Variants in SGMS2 observed in about 807,000 individuals in gnomAD.
The protein encoded by SGMS2 is sphingomyelin synthase 2.
In SGMS2, 21 loss-of-function variants were observed where a neutral mutation model predicts 43.8. The observed-to-expected ratio is 0.48, with a 90% CI of 0.34 to 0.69. SGMS2 has a LOEUF of 0.69. Ranked by LOEUF, SGMS2 falls within the 30% of genes least tolerant of loss-of-function variation. The probability of loss-of-function intolerance (pLI) is 0.01; values close to 1 mark genes in which losing one functional copy is unlikely to be tolerated. For synonymous variants in SGMS2, 167 were observed against 160.6 expected, an observed-to-expected ratio of 1.04 and a Z score of -0.30; for missense variants, 384 against 443.2, an observed-to-expected ratio of 0.87 and a Z score of 1.20.
chr4:107,852,249 T>G (rs1474711534), intron 1 of SGMS2, among the ~76,000 whole-genome samples: 1 of 151,894 alleles, frequency 6.6e-6, no homozygotes, highest in African/African-American at 2.4e-5. Flanking sequence ...ATTTTTTTTT[T>G]TGTACTTTTA....
At chr4:107,870,625 C>A (rs1425817782) in intron 2 of SGMS2, among the ~76,000 whole-genome samples, 1 of 152,228 alleles carries the variant, frequency 6.6e-6, no homozygotes, top group East Asian at 1.9e-4. Context: ...TGCACGTTAA[C>A]CAGAATGTCA....
At chr4:107,885,821 A>G (rs768482212) in intron 2 of SGMS2, among the ~76,000 whole-genome samples, 8 of 152,232 alleles carry the variant, frequency 5.3e-5, no homozygotes, top group Non-Finnish European at 1.2e-4. Context: ...TAGAAAACCT[A>G]ATAAAAATAT....
At chr4:107,869,642 G>A (rs559725073) in intron 2 of SGMS2, among the ~76,000 whole-genome samples, 1 of 152,036 alleles carries the variant, frequency 6.6e-6, no homozygotes, top group African/African-American at 2.4e-5. Flanking sequence ...TGTTAATTTT[G>A]TTAGGTGTAA....
chr4:107,891,786 G>A (rs1275939061), intron 2 of SGMS2, among the ~76,000 whole-genome samples: 1 of 152,016 alleles, frequency 6.6e-6, no homozygotes, highest in Non-Finnish European at 1.5e-5. Context: ...CCACCCTAAT[G>A]TTTTATTATG....
In SGMS2 at chr4:107,903,401, A is replaced by G. The variant is rs2126143247; in HGVS notation, c.727+15A>G. On this transcript the variant is annotated intron_variant, in intron 5 of 6. Transcript: ENST00000690982. ...CATCAAAGAATGTAAGTAATAGCCCATTCCCACTGAACTGATAGCTGTAGT... is the reference window on the plus strand; with the variant it reads ...CATCAAAGAATGTAAGTAATAGCCCGTTCCCACTGAACTGATAGCTGTAGT... The G allele has an allele frequency of 6.2e-7, 1 of 1,613,236 alleles. No homozygotes were observed. Among genetic ancestry groups the G allele is most frequent in the Non-Finnish European group, 8.5e-7 (1 of 1,179,532 alleles).
intron 1 of SGMS2, among the ~76,000 whole-genome samples, chr4:107,839,386 T>A (rs140296040): frequency 2.0e-5 from 3 of 152,262 alleles, no homozygotes; most frequent in African/African-American, 7.2e-5. Flanking sequence ...TGGTTTTTTT[T>A]TTCCCTTCTC....
chr4:107,856,736 G>A (rs1727453597), intron 1 of SGMS2, among the ~76,000 whole-genome samples: 1 of 152,176 alleles, frequency 6.6e-6, no homozygotes, highest in Non-Finnish European at 1.5e-5. Context: ...AAACTAAACT[G>A]CTTGTCCCTT....
At chr4:107,855,305 C>G (rs1293888845) in intron 1 of SGMS2, among the ~76,000 whole-genome samples, 4 of 151,970 alleles carry the variant, frequency 2.6e-5, no homozygotes, top group Non-Finnish European at 2.9e-5. Flanking sequence ...TGGAGTCTTT[C>G]TATGTTTTCG....
At chr4:107,854,878 G>A (rs1321560210) in intron 1 of SGMS2, among the ~76,000 whole-genome samples, 1 of 152,128 alleles carries the variant, frequency 6.6e-6, no homozygotes, top group African/African-American at 2.4e-5. Context: ...ATTGCCTCTT[G>A]TGTACAGACC....
At position 107,878,405 on chromosome 4, in the gene SGMS2, C is replaced by T. The variant is rs528831545; in HGVS notation, c.-244-16905C>T. On this transcript the variant is annotated intron_variant, in intron 2 of 6. Transcript: ENST00000690982. ...AAATGCATGATATGCTCCCCACTCTCACACCTTAACTTTGAGAACCTCTCA... is the reference window on the plus strand; with the variant it reads ...AAATGCATGATATGCTCCCCACTCTTACACCTTAACTTTGAGAACCTCTCA... Among the ~76,000 whole-genome samples the T allele has an allele frequency of 9.7e-4, 147 of 152,274 alleles. 1 individual carries two copies. Among genetic ancestry groups the T allele is most frequent in the Non-Finnish European group, 7.2e-4 (49 of 68,024 alleles).
intron 1 of SGMS2, among the ~76,000 whole-genome samples, chr4:107,853,643 T>C (rs570915536): frequency 6.6e-5 from 10 of 152,196 alleles, no homozygotes; most frequent in Non-Finnish European, 1.5e-4. Flanking sequence ...ACACAGCTTA[T>C]CTTATAAAAT....
rs1732345587 is a variant in SGMS2 at position 107,914,686 on chromosome 4, A to C, written c.*4133A>C. The C allele has an allele frequency of 6.6e-6, 1 of 152,126 alleles. No individual in the cohort carries two copies. Among genetic ancestry groups the C allele is most frequent in the Admixed American group, 6.5e-5 (1 of 15,276 alleles). 9.4% of individuals were successfully genotyped at this position (152,126 alleles called of 1,614,324 possible). The stretch of plus-strand genomic sequence containing the variant: ...TGCTTACATTTTAATCAAATATGTA[A>C]ATTTCAGAAGCTCTTTTTTCCTACC... On this transcript the variant is annotated 3_prime_UTR_variant, in exon 7 of 7. Coordinates refer to ENST00000690982, the MANE Select transcript of SGMS2 (RefSeq NM_001375905.1).
At chr4:107,901,455 A>G (rs1056215660) in intron 4 of SGMS2, among the ~76,000 whole-genome samples, 1 of 152,218 alleles carries the variant, frequency 6.6e-6, no homozygotes, top group Non-Finnish European at 1.5e-5. Context: ...CTTCATGAGT[A>G]TAAGCATGGC....
chr4:107,903,892 C>T (rs1731336297), intron 5 of SGMS2, among the ~76,000 whole-genome samples: 2 of 152,174 alleles, frequency 1.3e-5, no homozygotes, highest in South Asian at 4.1e-4. Context: ...TCATCTAGCA[C>T]TTTCTGTGCT....
At chr4:107,874,192 T>C (rs1728748313) in intron 2 of SGMS2, 1 of 152,112 alleles carries the variant, frequency 6.6e-6, no homozygotes, top group Non-Finnish European at 1.5e-5. Context: ...GGTGTACAAA[T>C]AGACACTCCA....
At chr4:107,890,624 A>G (rs1372472643) in intron 2 of SGMS2, among the ~76,000 whole-genome samples, 4 of 151,180 alleles carry the variant, frequency 2.6e-5, no homozygotes, top group Admixed American at 6.6e-5. Flanking sequence ...GCAGTGAGCC[A>G]AGATCACACG....
At chr4:107,865,940 A>G (rs1728082289) in intron 2 of SGMS2, among the ~76,000 whole-genome samples, 1 of 152,238 alleles carries the variant, frequency 6.6e-6, no homozygotes, top group South Asian at 2.1e-4. Flanking sequence ...AAATAAAAGT[A>G]TAAGATCAAC....
intron 2 of SGMS2, chr4:107,864,523 T>G (rs916728664): frequency 6.6e-6 from 1 of 152,158 alleles, no homozygotes; most frequent in African/African-American, 2.4e-5. Context: ...ATAGTTAATT[T>G]TGAATTAGGT....
chr4:107,862,482 C>T (rs1286719964), intron 2 of SGMS2, among the ~76,000 whole-genome samples: 1 of 152,130 alleles, frequency 6.6e-6, no homozygotes, highest in Admixed American at 6.5e-5. Context: ...TTCCATGATA[C>T]TGTATAACTC....
Sources: gnomAD v4.1 joint callset for allele counts (sites outside exome capture counted in the v4.1 genomes callset) on GRCh38, gnomAD v4.1.1 for gene constraint, MANE v1.5 for transcripts, NCBI Gene and HGNC (gene_info 2026-07-23, HGNC 2026-07-21) for gene names.